AGMO: variants seen among roughly 807,000 people sequenced by gnomAD.
AGMO encodes glyceryl-ether monooxygenase.
Under a neutral mutation model 60.2 loss-of-function variants are expected in AGMO, and 75 were observed. The ratio of observed to expected loss-of-function variants is 1.25; its 90% CI spans 1.03 to 1.51. The LOEUF is 1.51. Among genes scored for constraint, AGMO ranks in the 40% most tolerant of loss-of-function variants. AGMO has a pLI of 0.00. For missense variants in AGMO, 763 were observed against 525.5 expected (o/e 1.45, Z -4.42); for synonymous variants, 261 against 177.1 (o/e 1.47, Z -3.76).
chr7:15,371,346 AG>A (rs34320181), intron 10 of AGMO, among the ~76,000 whole-genome samples: 84,318 of 151,220 alleles, frequency 0.56, 24,057 homozygotes, highest in African/African-American at 0.66. Flanking sequence ...CAGCCTCCAG[AG>A]GTAGCTGGGA....
intron 3 of AGMO, among the ~76,000 whole-genome samples, chr7:15,453,448 A>G (rs889054186): frequency 6.6e-6 from 1 of 152,180 alleles, no homozygotes; most frequent in African/African-American, 2.4e-5. Flanking sequence ...ACACAGTGTA[A>G]CAGAACACCG....
intron 12 of AGMO, among the ~76,000 whole-genome samples, chr7:15,343,751 A>G (rs1781938232): frequency 6.6e-6 from 1 of 152,088 alleles, no homozygotes; most frequent in Non-Finnish European, 1.5e-5. Context: ...ATAAAATTGT[A>G]TTTGGTGTTA....
intron 12 of AGMO, among the ~76,000 whole-genome samples, chr7:15,300,528 T>C (rs942965790): frequency 1.3e-5 from 2 of 152,156 alleles, no homozygotes; most frequent in African/African-American, 2.4e-5. Context: ...AGAAAATGCT[T>C]GCTACAGTTA....
chr7:15,276,956 T>C (rs1345761296), intron 12 of AGMO, among the ~76,000 whole-genome samples: 1 of 151,884 alleles, frequency 6.6e-6, no homozygotes, highest in Non-Finnish European at 1.5e-5. Flanking sequence ...CTGGTTTCTT[T>C]GTGTTGGTTT....
intron 3 of AGMO, among the ~76,000 whole-genome samples, chr7:15,446,935 C>T (rs1163055623): frequency 6.6e-6 from 1 of 152,138 alleles, no homozygotes; most frequent in Non-Finnish European, 1.5e-5. Context: ...ACTTTGTCAG[C>T]CAATATCCAG....
At chr7:15,537,284 C>G (rs1784506588) in intron 3 of AGMO, among the ~76,000 whole-genome samples, 1 of 152,074 alleles carries the variant, frequency 6.6e-6, no homozygotes, top group African/African-American at 2.4e-5. Context: ...AAATCTATCT[C>G]AGAGTGGTTA....
downstream of AGMO, among the ~76,000 whole-genome samples, chr7:15,198,196 CGAGAGAGAGA>C (rs748392069): frequency 0.038 from 2,930 of 77,264 alleles, 47 homozygotes; most frequent in East Asian, 0.069. Flanking sequence ...AGGGCTTTCC[CGAGAGAGAGA>C]GAGAGAGAGA....
At chr7:15,165,290 A>G in the AGMO span, among the ~76,000 whole-genome samples, 3 of 152,250 alleles carry the variant, frequency 2.0e-5, no homozygotes, top group Non-Finnish European at 4.4e-5. Context: ...AGTGTTCACT[A>G]TTCAGGTGAT....
chr7:15,158,947 C>T, the AGMO span, among the ~76,000 whole-genome samples: 1 of 152,126 alleles, frequency 6.6e-6, no homozygotes, highest in East Asian at 1.9e-4. Context: ...GAATTGGATT[C>T]CATGTTGCTA....
intron 4 of AGMO, among the ~76,000 whole-genome samples, chr7:15,421,637 T>G (rs1428613344): frequency 6.6e-6 from 1 of 152,006 alleles, no homozygotes. Flanking sequence ...TGTCTGTTGG[T>G]GATATTGTTC....
At chr7:15,548,279 G>A (rs1447770194) in intron 2 of AGMO, among the ~76,000 whole-genome samples, 2 of 152,136 alleles carry the variant, frequency 1.3e-5, no homozygotes, top group Non-Finnish European at 2.9e-5. Flanking sequence ...CCAAAGGAAC[G>A]CAGTTCCTCA....
At chr7:15,369,743 T>C (rs1214437113) in intron 10 of AGMO, among the ~76,000 whole-genome samples, 8 of 152,152 alleles carry the variant, frequency 5.3e-5, no homozygotes, top group Non-Finnish European at 1.2e-4. Flanking sequence ...ATGAAAGTTT[T>C]TATCTCTTCA....
At chr7:15,164,819 T>C in the AGMO span, among the ~76,000 whole-genome samples, 9 of 152,230 alleles carry the variant, frequency 5.9e-5, no homozygotes, top group Non-Finnish European at 1.2e-4. Context: ...ACAACCTCTA[T>C]GGAAAGCAGT....
chr7:15,214,790 C>T (rs192441778), intron 12 of AGMO, among the ~76,000 whole-genome samples: 2 of 151,936 alleles, frequency 1.3e-5, no homozygotes, highest in African/African-American at 4.8e-5. Context: ...GGTGGTAAGT[C>T]GTAAATCCTG....
chr7:15,307,979 C>T (rs1780663645), intron 12 of AGMO, among the ~76,000 whole-genome samples: 1 of 152,046 alleles, frequency 6.6e-6, no homozygotes, highest in Non-Finnish European at 1.5e-5. Flanking sequence ...TTTGACCTAA[C>T]TCTATTCTCT....
chr7:15,291,189 T>TTTAAAA (rs1360156277), intron 12 of AGMO, among the ~76,000 whole-genome samples: 1 of 152,206 alleles, frequency 6.6e-6, no homozygotes, highest in Non-Finnish European at 1.5e-5. Flanking sequence ...AATTTATCTT[T>TTTAAAA]TTAAAATTAA....
intron 10 of AGMO, among the ~76,000 whole-genome samples, chr7:15,371,641 G>T (rs1783220741): frequency 2.0e-5 from 3 of 152,050 alleles, no homozygotes; most frequent in Non-Finnish European, 4.4e-5. Context: ...CAGGTGATCT[G>T]CCTGCCCCTG....
the AGMO span, among the ~76,000 whole-genome samples, chr7:15,149,267 G>C: frequency 6.6e-6 from 1 of 152,124 alleles, no homozygotes; most frequent in African/African-American, 2.4e-5. Context: ...TCTGTAGGTT[G>C]TGTGTTTACT....
chr7:15,322,005 G>A (rs11772119), intron 12 of AGMO, among the ~76,000 whole-genome samples: 54,143 of 151,528 alleles, frequency 0.36, 11,105 homozygotes, highest in East Asian at 0.51. Context: ...AAGAGGTTAG[G>A]CTTTTTTCTT....
Sources: allele counts gnomAD v4.1 joint callset (sites outside exome capture counted in the v4.1 genomes callset), GRCh38; gene constraint gnomAD v4.1.1; transcripts MANE v1.5; gene names NCBI Gene and HGNC (gene_info 2026-07-23, HGNC 2026-07-21).